The following NRG2 variants were observed in gnomAD, a reference collection of about 807,000 sequenced individuals.
The protein encoded by NRG2 is neuregulin 2, also known as pro-neuregulin-2, membrane-bound isoform.
NRG2 carries 27 observed loss-of-function variants against 73.9 expected under a neutral mutation model. That is an observed-to-expected ratio of 0.37 (90% CI 0.27 to 0.50). NRG2 has a LOEUF of 0.50. Ranked by LOEUF, NRG2 falls within the 20% of genes least tolerant of loss-of-function variation. The pLI is 0.96. For missense variants in NRG2, 1,126 were observed against 1,210.1 expected (o/e 0.93, Z 1.03); for synonymous variants, 532 against 541.0 (o/e 0.98, Z 0.23).
At chr5:139,937,131 G>A (rs1752909543) in intron 1 of NRG2, among the ~76,000 whole-genome samples, 1 of 152,146 alleles carries the variant, frequency 6.6e-6, no homozygotes, top group Non-Finnish European at 1.5e-5. Flanking sequence ...CATTTTGAAG[G>A]ATAATACATT....
chr5:139,878,979 AG>A (rs1464774970), intron 3 of NRG2, among the ~76,000 whole-genome samples: 1 of 152,222 alleles, frequency 6.6e-6, no homozygotes, highest in East Asian at 1.9e-4. Context: ...TAGACAGACT[AG>A]ACATAGCCCC....
intron 1 of NRG2, among the ~76,000 whole-genome samples, chr5:140,024,012 G>A (rs1177791597): frequency 6.6e-6 from 1 of 152,054 alleles, no homozygotes; most frequent in East Asian, 1.9e-4. Context: ...ACAAGCCAAA[G>A]GTCAAACAGA....
intron 1 of NRG2, among the ~76,000 whole-genome samples, chr5:140,023,306 G>A (rs1483079089): frequency 6.6e-6 from 1 of 151,950 alleles, no homozygotes; most frequent in Non-Finnish European, 1.5e-5. Flanking sequence ...TTGTGGTCCT[G>A]TAAAGACATC....
chr5:139,862,569 A>T (rs1762224376), intron 5 of NRG2, among the ~76,000 whole-genome samples: 1 of 152,242 alleles, frequency 6.6e-6, no homozygotes, highest in Non-Finnish European at 1.5e-5. Context: ...ACCAGACAAT[A>T]TGCAAATTCT....
At chr5:139,942,852 T>G (rs1408789294) in intron 1 of NRG2, among the ~76,000 whole-genome samples, 1 of 152,238 alleles carries the variant, frequency 6.6e-6, no homozygotes. Context: ...CACTATTTAT[T>G]TATTTATTGA....
At chr5:139,932,419 T>A (rs1397326536) in intron 1 of NRG2, among the ~76,000 whole-genome samples, 1 of 142,244 alleles carries the variant, frequency 7.0e-6, no homozygotes, top group South Asian at 2.3e-4. Context: ...GATTTTTTTT[T>A]TTAAAAAAAG....
chr5:139,877,084 C>T (rs540835007), intron 3 of NRG2, among the ~76,000 whole-genome samples: 1 of 152,280 alleles, frequency 6.6e-6, no homozygotes, highest in African/African-American at 2.4e-5. Flanking sequence ...CAAAGCCTGA[C>T]ATCAGGGGCT....
At chr5:139,976,264 A>G (rs1326205481) in intron 1 of NRG2, among the ~76,000 whole-genome samples, 1 of 152,228 alleles carries the variant, frequency 6.6e-6, no homozygotes, top group Non-Finnish European at 1.5e-5. Context: ...TTCTTTGTAT[A>G]AGGCTTGTGC....
At chr5:139,886,042 G>A (rs1434889360) in intron 2 of NRG2, among the ~76,000 whole-genome samples, 1 of 152,156 alleles carries the variant, frequency 6.6e-6, no homozygotes, top group Non-Finnish European at 1.5e-5. Context: ...TCTTGCCAAT[G>A]CTGTAGACAA....
chr5:139,909,585 C>A (rs1222862042), intron 1 of NRG2, among the ~76,000 whole-genome samples: 5 of 152,220 alleles, frequency 3.3e-5, no homozygotes, highest in African/African-American at 1.2e-4. Context: ...GTTAAAAGTC[C>A]TTGGAGGATA....
At chr5:139,898,156 G>A (rs1193206327) in intron 1 of NRG2, among the ~76,000 whole-genome samples, 1 of 152,258 alleles carries the variant, frequency 6.6e-6, no homozygotes, top group East Asian at 1.9e-4. Flanking sequence ...GGGAGGCCCT[G>A]TGGAGGAAAC....
chr5:139,963,170 C>A (rs564694291), intron 1 of NRG2, among the ~76,000 whole-genome samples: 1 of 152,228 alleles, frequency 6.6e-6, no homozygotes, highest in East Asian at 1.9e-4. Context: ...AACACTTTGA[C>A]CTCCATAAAG....
Position 139,868,021 on chromosome 5 carries a change from C to T in NRG2, c.1113-2396G>A, listed in dbSNP as rs371220163. Among the ~76,000 whole-genome samples the T allele has an allele frequency of 2.3e-3, 353 of 152,256 alleles. No individual in the cohort carries two copies. The highest frequency in any genetic ancestry group is 3.4e-3 in the Non-Finnish European group (234 of 68,020). On this transcript the variant is annotated intron_variant, in intron 4 of 9. Coordinates refer to ENST00000361474, the MANE Select transcript of NRG2 (RefSeq NM_004883.3). The surrounding 1 kb of genome is among the most constrained non-coding windows in gnomAD (Gnocchi z 4.2). Reference sequence around the variant, plus strand: ...CTGGACTATCCTGACTACAGACTTACATCTTTCATGGCCGCTGAGTTGCAC... The same window carrying T: ...CTGGACTATCCTGACTACAGACTTATATCTTTCATGGCCGCTGAGTTGCAC...
intron 3 of NRG2, among the ~76,000 whole-genome samples, 199 bp from the exon 4 acceptor site, chr5:139,872,040 G>A (rs1762886562): frequency 6.6e-6 from 1 of 152,210 alleles, no homozygotes; most frequent in African/African-American, 2.4e-5. Flanking sequence ...CGTTTACCCA[G>A]TGCAACCTTG....
intron 1 of NRG2, among the ~76,000 whole-genome samples, chr5:139,914,542 T>C (rs1751103862): frequency 6.6e-6 from 1 of 152,192 alleles, no homozygotes; most frequent in Non-Finnish European, 1.5e-5. Context: ...CATAAGCTCC[T>C]CTGCCAAATT....
At chr5:140,012,696 C>G (rs775783598) in intron 1 of NRG2, among the ~76,000 whole-genome samples, 18 of 152,210 alleles carry the variant, frequency 1.2e-4, no homozygotes, top group Non-Finnish European at 2.1e-4. Flanking sequence ...ATTCTTCTAT[C>G]TTAACAGGAT....
chr5:139,983,424 T>C (rs1756955408), intron 1 of NRG2, among the ~76,000 whole-genome samples: 1 of 152,222 alleles, frequency 6.6e-6, no homozygotes, highest in Non-Finnish European at 1.5e-5. Flanking sequence ...CGGGCCCATC[T>C]GGATCTGCTC....
At chr5:140,024,480 C>T (rs1261044933) in intron 1 of NRG2, among the ~76,000 whole-genome samples, 1 of 152,182 alleles carries the variant, frequency 6.6e-6, no homozygotes, top group East Asian at 1.9e-4. Flanking sequence ...TGGTCTCGAT[C>T]TCCTGACCTC....
At chr5:139,993,290 C>T (rs916881995) in intron 1 of NRG2, among the ~76,000 whole-genome samples, 1 of 152,124 alleles carries the variant, frequency 6.6e-6, no homozygotes, top group Non-Finnish European at 1.5e-5. Flanking sequence ...CACAAGAGCC[C>T]CACAAAAATT....
Sources: allele counts gnomAD v4.1 joint callset (sites outside exome capture counted in the v4.1 genomes callset), GRCh38; gene constraint gnomAD v4.1.1; non-coding constraint Gnocchi (gnomAD v3.1); transcripts MANE v1.5; gene names NCBI Gene and HGNC (gene_info 2026-07-23, HGNC 2026-07-21).